FYB1: variants seen among roughly 807,000 people sequenced by gnomAD.
FYB1 encodes the protein FYN binding protein 1.
A neutral mutation model predicts 94.1 loss-of-function variants in FYB1; 41 were observed. That is an observed-to-expected ratio of 0.44 (90% CI 0.34 to 0.57). FYB1 has a LOEUF of 0.57. Ranked by LOEUF, FYB1 falls within the 20% of genes least tolerant of loss-of-function variation. The pLI is 0.02. For synonymous variants in FYB1, 367 were observed against 353.2 expected, an observed-to-expected ratio of 1.04 and a Z score of -0.44; for missense variants, 1,050 against 976.8, an observed-to-expected ratio of 1.07 and a Z score of -1.00.
chr5:39,267,918 A>G (rs1026681192), intron 1 of FYB1, among the ~76,000 whole-genome samples: 6 of 152,240 alleles, frequency 3.9e-5, no homozygotes, highest in Non-Finnish European at 8.8e-5. Context: ...CTATATCACC[A>G]TAAGGAAAGA....
At chr5:39,243,238 T>G (rs1097200) in intron 1 of FYB1, among the ~76,000 whole-genome samples, 23,368 of 151,018 alleles carry the variant, frequency 0.15, 4,734 homozygotes, top group African/African-American at 0.46. Context: ...TGAATGGTAT[T>G]GCTTAGGTTT....
intron 2 of FYB1, among the ~76,000 whole-genome samples, chr5:39,162,333 G>A (rs982961499): frequency 1.3e-5 from 2 of 152,142 alleles, no homozygotes; most frequent in African/African-American, 4.8e-5. Context: ...AAGCATAAAT[G>A]TACCTGTAGG....
intron 4 of FYB1, among the ~76,000 whole-genome samples, chr5:39,140,367 A>G (rs552216402): frequency 2.3e-4 from 35 of 152,346 alleles, no homozygotes; most frequent in African/African-American, 7.9e-4. Flanking sequence ...ACAAAGGCTT[A>G]TAAGCAAATA....
intron 1 of FYB1, among the ~76,000 whole-genome samples, chr5:39,241,169 A>G (rs1319327220): frequency 1.3e-5 from 2 of 152,110 alleles, no homozygotes; most frequent in African/African-American, 4.8e-5. Flanking sequence ...TGAGGATAGG[A>G]GCTTAGAGGA....
At chr5:39,175,362 A>C (rs1745627329) in intron 2 of FYB1, among the ~76,000 whole-genome samples, 1 of 152,204 alleles carries the variant, frequency 6.6e-6, no homozygotes, top group Non-Finnish European at 1.5e-5. Flanking sequence ...CTCTGATATA[A>C]GCGGTGAACA....
At chr5:39,162,326 C>T (rs1025571312) in intron 2 of FYB1, among the ~76,000 whole-genome samples, 1 of 152,140 alleles carries the variant, frequency 6.6e-6, no homozygotes, top group African/African-American at 2.4e-5. Flanking sequence ...TGACTGCAAG[C>T]ATAAATGTAC....
At chr5:39,137,279 G>T in intron 7 of FYB1, 1 of 238,518 alleles carries the variant, frequency 4.2e-6, no homozygotes, top group Non-Finnish European at 8.2e-6. Flanking sequence ...CTAATTCATA[G>T]TATAAGTAGG....
chr5:39,144,306 T>G (rs1013150467), intron 3 of FYB1, among the ~76,000 whole-genome samples: 1 of 152,098 alleles, frequency 6.6e-6, no homozygotes, highest in Non-Finnish European at 1.5e-5. Context: ...ATAAAAGAAC[T>G]ACATTTGATC....
intron 10 of FYB1, 100 bp downstream of exon 10, chr5:39,130,490 C>G: frequency 1.1e-6 from 1 of 913,138 alleles, no homozygotes; most frequent in Non-Finnish European, 1.8e-6. Context: ...TTGAACAATA[C>G]ACATTCTATG....
chr5:39,264,845 A>T (rs1254568866), intron 1 of FYB1, among the ~76,000 whole-genome samples: 1 of 152,160 alleles, frequency 6.6e-6, no homozygotes, highest in Admixed American at 6.5e-5. Context: ...ATCAGAGACC[A>T]GACACCTCTC....
chr5:39,177,128 G>C (rs1411002227), intron 2 of FYB1, among the ~76,000 whole-genome samples: 1 of 152,128 alleles, frequency 6.6e-6, no homozygotes, highest in Non-Finnish European at 1.5e-5. Context: ...TCCAGGCATT[G>C]GTAGCTCACA....
At chr5:39,227,147 T>G (rs1163317255) in intron 1 of FYB1, among the ~76,000 whole-genome samples, 3 of 152,124 alleles carry the variant, frequency 2.0e-5, no homozygotes, top group Non-Finnish European at 4.4e-5. Flanking sequence ...ATAAATCCAT[T>G]AAAAGTAGTT....
At chr5:39,160,835 G>A (rs1428980) in intron 2 of FYB1, among the ~76,000 whole-genome samples, 149,098 of 152,340 alleles carry the variant, frequency 0.98, 73,027 homozygotes, top group Non-Finnish European at 1. Flanking sequence ...TTTAAAGATC[G>A]ATAGGACATG....
chr5:39,114,065 A>G (rs535612883), intron 16 of FYB1, among the ~76,000 whole-genome samples: 7 of 152,294 alleles, frequency 4.6e-5, no homozygotes, highest in Admixed American at 3.9e-4. Flanking sequence ...AAGTTAAAAA[A>G]AAATGATCAA....
chr5:39,244,048 C>T (rs1157881693), intron 1 of FYB1, among the ~76,000 whole-genome samples: 1 of 152,256 alleles, frequency 6.6e-6, no homozygotes, highest in South Asian at 2.1e-4. Flanking sequence ...TGGGCTGAGA[C>T]AATGGGGTTT....
intron 1 of FYB1, among the ~76,000 whole-genome samples, chr5:39,267,358 T>TATCATCATCATCATC (rs10658182): frequency 2.1e-5 from 3 of 145,320 alleles, no homozygotes; most frequent in Non-Finnish European, 3.0e-5. Flanking sequence ...GTGGGATAGC[T>TATCATCATCATCATC]ATCATCATCA....
intron 3 of FYB1, among the ~76,000 whole-genome samples, chr5:39,146,882 G>A (rs997762914): frequency 1.3e-5 from 2 of 152,086 alleles, no homozygotes; most frequent in Non-Finnish European, 2.9e-5. Context: ...AGCAATGATG[G>A]TGAAGAATAA....
In FYB1 at chr5:39,118,877, T is replaced by C. The variant is rs756060861; in HGVS notation, c.2398A>G (p.Lys800Glu). The C allele has an allele frequency of 2.0e-6, 3 of 1,505,522 alleles. No homozygotes were observed. Among genetic ancestry groups the C allele is most frequent in the South Asian group, 1.3e-5 (1 of 74,722 alleles). The allele number at this position is 1,505,522 out of a possible 1,614,324, so 93.3% of individuals were successfully genotyped here. The change falls in exon 16 of 19, where the codon AAA (lysine) becomes GAA (glutamate). Residue 800 changes from lysine to glutamate, a missense_variant. Physicochemically the swap from Lys to Glu is moderately conservative, Grantham distance 56. Coordinates refer to ENST00000512982, the MANE Select transcript of FYB1 (RefSeq NM_001465.6). ...TKVLCRNEEG[K>E]YGYVLRSYLA... is the part of the protein sequence containing the mutation. ...TATAGTATAAGCAGTGACTTACATT[T>C]CCCTTCTTCATTTCTGCAGAGAACT... is the stretch of plus-strand genomic sequence containing the variant.
intron 1 of FYB1, among the ~76,000 whole-genome samples, chr5:39,249,343 T>C (rs1438549725): frequency 6.6e-6 from 1 of 152,220 alleles, no homozygotes; most frequent in Non-Finnish European, 1.5e-5. Flanking sequence ...TGGTCTTTGC[T>C]GAAATGACGC....
Sources: allele counts gnomAD v4.1 joint callset (sites outside exome capture counted in the v4.1 genomes callset), GRCh38; gene constraint gnomAD v4.1.1; transcripts MANE v1.5; gene names NCBI Gene and HGNC (gene_info 2026-07-23, HGNC 2026-07-21).